ZNF732: variants seen among roughly 807,000 people sequenced by gnomAD.
ZNF732 encodes zinc finger protein LOC654254.
A neutral mutation model predicts 11.5 loss-of-function variants in ZNF732; 12 were observed. The ratio of observed to expected loss-of-function variants is 1.05; its 90% CI spans 0.67 to 1.70. The LOEUF (loss-of-function observed/expected upper bound fraction) is 1.70, where lower values mean the gene tolerates loss of function less well. ZNF732 is among the 40% of genes most tolerant of loss of function. The pLI is 0.00. For missense variants in ZNF732, 702 were observed against 676.9 expected (o/e 1.04, Z -0.41); for synonymous variants, 231 against 236.5 (o/e 0.98, Z 0.21).
intron 3 of ZNF732, among the ~76,000 whole-genome samples, chr4:293,393 A>G (rs1292676845): frequency 1.3e-5 from 2 of 151,488 alleles, no homozygotes; most frequent in Admixed American, 1.3e-4. Flanking sequence ...ACCTGGATAG[A>G]CCTGGAGGAA....
chr4:297,663 A>C lies in ZNF732; in HGVS notation c.4-1508T>G, dbSNP rs1315779595. ...GGGATGGAGAACAGGTTGCTGGATG[A>C]GATGTCTCTAGAAACACTGGTTTTA... is the stretch of plus-strand genomic sequence containing the variant. On this transcript the variant is annotated intron_variant, in intron 1 of 3. Coordinates refer to ENST00000419098, the MANE Select transcript of ZNF732 (RefSeq NM_001137608.3). Among the ~76,000 whole-genome samples, 3 of 150,142 alleles carry C rather than the reference A, an allele frequency of 2.0e-5. No homozygotes were observed. In the South Asian group the frequency reaches 6.6e-4, roughly 33 times the overall value.
At chr4:286,257 T>A (rs528073688) in intron 3 of ZNF732, among the ~76,000 whole-genome samples, 1 of 152,320 alleles carries the variant, frequency 6.6e-6, no homozygotes, top group South Asian at 2.1e-4. Flanking sequence ...AAACTAATTA[T>A]GAAGCTATAG....
intron 1 of ZNF732, among the ~76,000 whole-genome samples, chr4:297,607 T>TAAAAAAAAAAAAAAAAAAAAAAA (rs57681246): frequency 9.9e-6 from 1 of 101,016 alleles, no homozygotes. Flanking sequence ...TTAAGATTTG[T>TAAAAAAAAAAAAAAAAAAAAAAA]AAAAAAAAAA....
rs143258337 is a variant in ZNF732, at chr4:294,648, G to C, written c.226+790C>G. 5.5e-4 allele frequency among the ~76,000 whole-genome samples: 83 copies of C among 152,266 alleles called. 1 individual carries two copies. Among genetic ancestry groups the C allele is most frequent in the African/African-American group, 1.8e-3 (75 of 41,560 alleles). ...GAGAGGGCTTTTTTGCTTATCTAAG[G>C]TGGTGGATATCACAAAACTTATTCA... On this transcript the variant is annotated intron_variant, in intron 3 of 3. Coordinates refer to ENST00000419098, the MANE Select transcript of ZNF732 (RefSeq NM_001137608.3).
chr4:278,954 T>C (rs78746414), intron 3 of ZNF732, among the ~76,000 whole-genome samples: 1 of 152,198 alleles, frequency 6.6e-6, no homozygotes, highest in Non-Finnish European at 1.5e-5. Context: ...CCCCTTCCCA[T>C]TGCAATTTGC....
intron 3 of ZNF732, among the ~76,000 whole-genome samples, chr4:280,288 C>T (rs1326093362): frequency 8.2e-5 from 6 of 73,440 alleles, no homozygotes; most frequent in Non-Finnish European, 1.3e-4. Context: ...CAATGTACAG[C>T]AGTAAGAAAA....
intron 3 of ZNF732, among the ~76,000 whole-genome samples, chr4:294,478 CAAAATT>C (rs1211414459): frequency 6.6e-6 from 1 of 151,982 alleles, no homozygotes; most frequent in Non-Finnish European, 1.5e-5. Flanking sequence ...CTAAATAAGA[CAAAATT>C]ATAATAGTTA....
Position 299,489 on chromosome 4 carries a change from ATG to A in ZNF732, c.4-3336_4-3335del, listed in dbSNP as rs1228135430. 3.5e-4 allele frequency among the ~76,000 whole-genome samples: 33 copies of A among 94,270 alleles called. 1 individual carries two copies. Among genetic ancestry groups the A allele is most frequent in the African/African-American group, 6.0e-4 (13 of 21,764 alleles). The allele number at this position is 94,270 out of a possible 152,430, so 61.8% of individuals were successfully genotyped here. A position where few individuals can be genotyped will look rare whatever the true frequency, so the allele number is the denominator to read the frequency against. On this transcript the variant is annotated intron_variant, in intron 1 of 3. Transcript: ENST00000419098. Reference sequence around the variant, plus strand: ...TATATATATACACATATATACACATATGTGTGTATATATACACACATATACGT... The same window carrying A: ...TATATATATACACATATATACACATATGTGTATATATACACACATATACGT...
chr4:276,374 T>A (rs1397447936), intron 3 of ZNF732, among the ~76,000 whole-genome samples: 3 of 151,890 alleles, frequency 2.0e-5, no homozygotes, highest in African/African-American at 7.2e-5. Context: ...ATAATAATAC[T>A]AAATAAAAGC....
chr4:283,068 A>C (rs1265071398), intron 3 of ZNF732, among the ~76,000 whole-genome samples: 2 of 152,200 alleles, frequency 1.3e-5, no homozygotes, highest in African/African-American at 4.8e-5. Flanking sequence ...GAAAATTAAT[A>C]AGTGAGGCCT....
chr4:283,016 G>A (rs531999296), intron 3 of ZNF732, among the ~76,000 whole-genome samples: 7 of 152,222 alleles, frequency 4.6e-5, no homozygotes, highest in African/African-American at 1.7e-4. Context: ...TGGTTTGAGT[G>A]CCCCCTCCAA....
intron 1 of ZNF732, among the ~76,000 whole-genome samples, chr4:302,776 G>A (rs140442244): frequency 6.6e-6 from 1 of 152,246 alleles, no homozygotes; most frequent in Non-Finnish European, 1.5e-5. Flanking sequence ...AAGTTTTCGA[G>A]ACAGGAGCAG....
rs1553844297 is a variant in ZNF732 at position 305,354 on chromosome 4, C to G, written c.-44G>C. ...TAGCGGAGTCTCAGCTACGAATCAT[C>G]CAATACCCGCAGGTCACAGAGCGAC... is the stretch of plus-strand genomic sequence containing the variant. On this transcript the variant is annotated 5_prime_UTR_variant, in exon 1 of 4. Transcript: ENST00000419098. 5 of 1,606,558 alleles carry G rather than the reference C, an allele frequency of 3.1e-6. No homozygotes were observed. The highest frequency in any genetic ancestry group is 3.4e-6 in the Non-Finnish European group (4 of 1,179,600).
At chr4:279,160 C>T (rs1719564342) in intron 3 of ZNF732, among the ~76,000 whole-genome samples, 1 of 151,822 alleles carries the variant, frequency 6.6e-6, no homozygotes, top group South Asian at 2.1e-4. Flanking sequence ...ACATGGGGGC[C>T]GGGTGCAGTG....
In ZNF732 at chr4:277,122, A is replaced by AC. The variant is rs200368644; in HGVS notation, c.227-4493dup. Among the ~76,000 whole-genome samples, 1,149 of 152,166 alleles carry AC rather than the reference A, an allele frequency of 7.6e-3. 5 individuals are homozygous for AC. The highest frequency in any genetic ancestry group is 0.014 in the Middle Eastern group (4 of 294). ...ATCAAAAAAATAAAACTAGGCTCCTACCTCTTACAATATAAAAAACTCAAT... is the reference window on the plus strand; with the variant it reads ...ATCAAAAAAATAAAACTAGGCTCCTACCCTCTTACAATATAAAAAACTCAAT... On this transcript the variant is annotated intron_variant, in intron 3 of 3. Coordinates refer to ENST00000419098, the MANE Select transcript of ZNF732 (RefSeq NM_001137608.3).
chr4:278,118 T>C (rs780928832), intron 3 of ZNF732, among the ~76,000 whole-genome samples: 32 of 152,092 alleles, frequency 2.1e-4, no homozygotes, highest in Non-Finnish European at 1.9e-4. Flanking sequence ...AAATAAAAGA[T>C]ACACTGAGAC....
chr4:284,306 A>C (rs77279928), intron 3 of ZNF732, among the ~76,000 whole-genome samples: 8,170 of 152,280 alleles, frequency 0.054, 333 homozygotes, highest in African/African-American at 0.11. Context: ...TATATTAGAC[A>C]ACATGCTTCT....
chr4:271,285 A>T lies in ZNF732; in HGVS notation c.1572T>A (p.His524Gln), dbSNP rs979029918. The T allele has an allele frequency of 6.3e-7, 1 of 1,590,314 alleles. No homozygotes were observed. Among genetic ancestry groups the T allele is most frequent in the Non-Finnish European group, 8.6e-7 (1 of 1,167,366 alleles). Residue 524 changes from histidine to glutamine, a missense_variant, in exon 4 of 4, where the codon CAT (histidine) becomes CAA (glutamine). By Grantham distance (24) the His-to-Gln change is conservative (BLOSUM62 0). Around this residue, in one of 3 missense-constraint regions of ZNF732, gnomAD observed 94 missense variants for 87.5 expected, o/e 1.07. Coordinates refer to ENST00000419098, the MANE Select transcript of ZNF732 (RefSeq NM_001137608.3). ...CACATCTATAAGGTTTCTCTCCAGT[A>T]TGAATTTTCTTATGTTTACTCAGGT... ...STYLSKHKKI[H>Q]TGEKPYRCEE...
At position 298,542 on chromosome 4, in the gene ZNF732, C is replaced by T. The variant is rs115789757; in HGVS notation, c.4-2387G>A. ...CTCTAAAATGGGAGCAGAATTAGAC[C>T]TTGCTGTCAGACTGACCCCAGTCTG... is the stretch of plus-strand genomic sequence containing the variant. On this transcript the variant is annotated intron_variant, in intron 1 of 3. Transcript: ENST00000419098. Among the ~76,000 whole-genome samples, 202 of 152,204 alleles carry T rather than the reference C, an allele frequency of 1.3e-3. 1 individual carries two copies. The highest frequency in any genetic ancestry group is 4.3e-3 in the African/African-American group (180 of 41,518).
Sources: allele counts gnomAD v4.1 joint callset (sites outside exome capture counted in the v4.1 genomes callset), GRCh38; gene constraint gnomAD v4.1.1; regional missense constraint gnomAD v4.1.1; transcripts MANE v1.5; gene names NCBI Gene and HGNC (gene_info 2026-07-23, HGNC 2026-07-21).